The following SLCO4C1 variants were observed in gnomAD, a reference collection of about 807,000 sequenced individuals.
SLCO4C1 encodes the protein solute carrier organic anion transporter family member 4C1, also known as organic anion transporter M1.
SLCO4C1 carries 58 observed loss-of-function variants against 72.1 expected under a neutral mutation model. The observed-to-expected ratio is 0.80, with a 90% CI of 0.65 to 1.00. The LOEUF is 1.00. SLCO4C1 is among the 50% of genes least tolerant of loss of function. The probability of loss-of-function intolerance (pLI) is 0.00; values close to 1 mark genes in which losing one functional copy is unlikely to be tolerated. For missense variants in SLCO4C1, 898 were observed against 857.9 expected, an observed-to-expected ratio of 1.05 and a Z score of -0.58; for synonymous variants, 297 against 312.5, an observed-to-expected ratio of 0.95 and a Z score of 0.52.
At position 102,263,725 on chromosome 5, in the gene SLCO4C1, T is replaced by C; in HGVS notation, c.858A>G (p.Gly286=). 6.2e-7 allele frequency: 1 copy of C among 1,612,960 alleles called. No individual in the cohort carries two copies. Among genetic ancestry groups the C allele is most frequent in the South Asian group, 1.1e-5 (1 of 91,038 alleles). ...CATCAATGTATATGGTTAGCAGTTG[T>C]CCTCCCAATACATAGCCAATAGCAG... ...LGPAIGYVLG[G]QLLTIYIDVA... is the part of the protein sequence containing the mutation. The change falls in exon 4 of 13, where the codon GGA becomes GGG. Residue 286 remains glycine, a synonymous_variant. Transcript: ENST00000310954.
In SLCO4C1 at chr5:102,261,947, A is replaced by G. The variant is rs1748951502; in HGVS notation, c.986T>C (p.Ile329Thr). Residue 329 changes from isoleucine (I) to threonine (T), a missense_variant, in exon 5 of 13, where the codon ATA becomes ACA. Transcript: ENST00000310954. The part of the protein sequence containing the change: ...LLSWIFAWSL[I>T]IPFSCFPKHL... Reference sequence around the variant, plus strand: ...TTTTGGAAAGCAAGAAAAAGGTATTATTAAAGACCAAGCAAAGATCCATGA... The same window carrying G: ...TTTTGGAAAGCAAGAAAAAGGTATTGTTAAAGACCAAGCAAAGATCCATGA... 1 of 1,612,918 alleles carries G rather than the reference A, an allele frequency of 6.2e-7. No individual in the cohort carries two copies. Among genetic ancestry groups the G allele is most frequent in the Non-Finnish European group, 8.5e-7 (1 of 1,179,316 alleles).
At chr5:102,239,889 C>T (rs1488846029) in intron 11 of SLCO4C1, among the ~76,000 whole-genome samples, 1 of 151,976 alleles carries the variant, frequency 6.6e-6, no homozygotes, top group Non-Finnish European at 1.5e-5. Context: ...AGGAATATCA[C>T]TATCTTATAT....
chr5:102,250,273 G>A (rs1748714113), intron 8 of SLCO4C1, among the ~76,000 whole-genome samples: 1 of 152,140 alleles, frequency 6.6e-6, no homozygotes, highest in Admixed American at 6.5e-5. Context: ...TGGGAAAACT[G>A]AGGTCCAGGG....
rs545686313 is a variant in SLCO4C1, at chr5:102,235,147, T to C, written c.*1711A>G. Reference sequence around the variant, plus strand: ...CGCTAGGTTCTAACATCGTTGGCCATAGATTACCACAAAACATAATTTCTT... The same window carrying C: ...CGCTAGGTTCTAACATCGTTGGCCACAGATTACCACAAAACATAATTTCTT... On this transcript the variant is annotated 3_prime_UTR_variant, in exon 13 of 13. Coordinates refer to ENST00000310954, the MANE Select transcript of SLCO4C1 (RefSeq NM_180991.5). The C allele has an allele frequency of 4.9e-4, 75 of 152,288 alleles. No homozygotes were observed. Among genetic ancestry groups the C allele is most frequent in the African/African-American group, 1.7e-3 (72 of 41,562 alleles). The allele number at this position is 152,288 out of a possible 1,614,324, so 9.4% of individuals were successfully genotyped here. A position where few individuals can be genotyped will look rare whatever the true frequency, so the allele number is the denominator to read the frequency against.
intron 10 of SLCO4C1, among the ~76,000 whole-genome samples, chr5:102,243,278 AC>A (rs1748579835): frequency 6.6e-6 from 1 of 152,118 alleles, no homozygotes; most frequent in South Asian, 2.1e-4. Flanking sequence ...GGACCTCCCC[AC>A]CCAAGCGAAG....
chr5:102,258,189 TCTGTAAAATTTCA>T (rs1748874274), intron 6 of SLCO4C1, 102 bp from the exon 7 acceptor site: 2 of 954,136 alleles, frequency 2.1e-6, no homozygotes, highest in African/African-American at 3.4e-5. Flanking sequence ...TTTACAATCA[TCTGTAAAATTTCA>T]GCATTTCCTC....
At chr5:102,275,767 A>G (rs565739202) in intron 2 of SLCO4C1, among the ~76,000 whole-genome samples, 2 of 152,378 alleles carry the variant, frequency 1.3e-5, no homozygotes, top group East Asian at 3.9e-4. Context: ...TATATGTAAC[A>G]TGATAAAGAA....
At chr5:102,289,370 C>G (rs915769604) in intron 2 of SLCO4C1, among the ~76,000 whole-genome samples, 2 of 152,058 alleles carry the variant, frequency 1.3e-5, no homozygotes, top group African/African-American at 4.8e-5. Flanking sequence ...CTGAGAAGAT[C>G]GTGGAAGACA....
intron 6 of SLCO4C1, among the ~76,000 whole-genome samples, chr5:102,258,718 CA>C (rs1748883682): frequency 6.6e-6 from 1 of 151,670 alleles, no homozygotes; most frequent in Non-Finnish European, 1.5e-5. Context: ...TATTAAATGC[CA>C]AAAAATTTTT....
chr5:102,266,708 T>C (rs1350208042), intron 3 of SLCO4C1, among the ~76,000 whole-genome samples: 2 of 152,116 alleles, frequency 1.3e-5, no homozygotes, highest in East Asian at 1.9e-4. Context: ...TGTGCTTCAG[T>C]TCTTAGAGGA....
At chr5:102,287,125 T>G (rs1053160787) in intron 2 of SLCO4C1, among the ~76,000 whole-genome samples, 4 of 152,000 alleles carry the variant, frequency 2.6e-5, no homozygotes, top group African/African-American at 4.8e-5. Flanking sequence ...TTAAGTTACT[T>G]AAGAAGATTA....
At chr5:102,283,230 A>C (rs1246241563) in intron 2 of SLCO4C1, among the ~76,000 whole-genome samples, 1 of 151,960 alleles carries the variant, frequency 6.6e-6, no homozygotes, top group African/African-American at 2.4e-5. Flanking sequence ...GCTACTATTT[A>C]ATGAGCACTC....
In SLCO4C1 at chr5:102,291,459, C is replaced by G. The variant is rs964876552; in HGVS notation, c.503G>C (p.Arg168Thr). The change falls in exon 2 of 13, where the codon AGA becomes ACA. Residue 168 changes from arginine to threonine, a missense_variant. Transcript: ENST00000310954. ...LSLFVSFFGE[R>T]GHKPRWLAFA... ...TGCAAGCCATCTCGGCTTATGTCCT[C>G]TTTCACCAAAGAATGATACAAATAA... 7 of 1,614,024 alleles carry G rather than the reference C, an allele frequency of 4.3e-6. No homozygotes were observed. In the Admixed American group the frequency reaches 1.2e-4, roughly 27 times the overall value.
intron 3 of SLCO4C1, among the ~76,000 whole-genome samples, chr5:102,268,386 T>G (rs1015260501): frequency 5.3e-5 from 8 of 152,180 alleles, no homozygotes; most frequent in Non-Finnish European, 1.0e-4. Flanking sequence ...TTTTTTGACT[T>G]AGACTATTTT....
chr5:102,240,844 A>G, intron 10 of SLCO4C1, 62 bp from the exon 11 acceptor site: 1 of 1,182,902 alleles, frequency 8.5e-7, no homozygotes, highest in Non-Finnish European at 1.2e-6. Context: ...CTCTTTGAGC[A>G]AGTTCACATT....
chr5:102,262,626 C>T (rs2112363226), intron 4 of SLCO4C1, among the ~76,000 whole-genome samples: 1 of 152,212 alleles, frequency 6.6e-6, no homozygotes, highest in East Asian at 1.9e-4. Flanking sequence ...GCACAAGCCA[C>T]TCCTGGCCTC....
At chr5:102,244,069 C>G (rs1748593899) in intron 10 of SLCO4C1, among the ~76,000 whole-genome samples, 1 of 152,120 alleles carries the variant, frequency 6.6e-6, no homozygotes, top group Admixed American at 6.5e-5. Context: ...CGTCTGTCAT[C>G]CCAGCTACTC....
At position 102,236,706 on chromosome 5, in the gene SLCO4C1, CT is replaced by C; in HGVS notation, c.*151del. ...GTCTGTTTCTTGCATAAAACAAAAACTACATAAGTAAAAAAATACATTTGAT... is the reference window on the plus strand; with the variant it reads ...GTCTGTTTCTTGCATAAAACAAAAACACATAAGTAAAAAAATACATTTGAT... On this transcript the variant is annotated 3_prime_UTR_variant, in exon 13 of 13. Transcript: ENST00000310954. 1.1e-6 allele frequency: 1 copy of C among 878,562 alleles called. No homozygotes were observed. Among genetic ancestry groups the C allele is most frequent in the Non-Finnish European group, 1.7e-6 (1 of 598,966 alleles). 54.4% of individuals were successfully genotyped at this position (878,562 alleles called of 1,614,324 possible).
At chr5:102,239,655 T>C (rs1748502857) in intron 11 of SLCO4C1, among the ~76,000 whole-genome samples, 1 of 151,994 alleles carries the variant, frequency 6.6e-6, no homozygotes, top group African/African-American at 2.4e-5. Flanking sequence ...AAAGTTAATA[T>C]TTTAATTCAC....
Sources: gnomAD v4.1 joint callset for allele counts (sites outside exome capture counted in the v4.1 genomes callset) on GRCh38, gnomAD v4.1.1 for gene constraint, MANE v1.5 for transcripts, NCBI Gene and HGNC (gene_info 2026-07-23, HGNC 2026-07-21) for gene names.